The following FRMD5 variants were observed in gnomAD, a reference collection of about 807,000 sequenced individuals.
FRMD5 encodes FERM domain-containing protein 5.
FRMD5 carries 20 observed loss-of-function variants against 69.0 expected under a neutral mutation model. The ratio of observed to expected loss-of-function variants is 0.29; its 90% CI spans 0.20 to 0.42. The LOEUF (loss-of-function observed/expected upper bound fraction) is 0.42. Among genes scored for constraint, FRMD5 ranks in the 10% least tolerant of loss-of-function variants. FRMD5 has a pLI of 1.00. For missense variants in FRMD5, 595 were observed against 708.6 expected (o/e 0.84, Z 1.82); for synonymous variants, 271 against 260.1 (o/e 1.04, Z -0.40).
intron 1 of FRMD5, among the ~76,000 whole-genome samples, chr15:44,175,544 A>G (rs1211991038): frequency 6.6e-6 from 1 of 152,154 alleles, no homozygotes; most frequent in Admixed American, 6.5e-5. Context: ...CCACTTTGGA[A>G]AACAGTTTGG....
At chr15:44,196,036 A>G (rs979925008), upstream of FRMD5, among the ~76,000 whole-genome samples, 1 of 152,214 alleles carries the variant, frequency 6.6e-6, no homozygotes, top group Non-Finnish European at 1.5e-5. Flanking sequence ...ATAGTATGTC[A>G]GGAGGTATAC....
In FRMD5 at chr15:43,995,938, C is replaced by T. The variant is rs375637610; in HGVS notation, c.103-71629G>A. Among the ~76,000 whole-genome samples, 8 of 152,030 alleles carry T rather than the reference C, an allele frequency of 5.3e-5. No homozygotes were observed. In the East Asian group the frequency reaches 9.7e-4, roughly 18 times the overall value. ...AGCCTGGACCCTGGATCTGCTAGAA[C>T]AGGGCTGAACCCCAGAGCTGCTGGA... On this transcript the variant is annotated intron_variant, in intron 1 of 13. Coordinates refer to ENST00000417257, the MANE Select transcript of FRMD5 (RefSeq NM_032892.5).
At chr15:44,087,309 C>T (rs1436497385) in intron 1 of FRMD5, among the ~76,000 whole-genome samples, 4 of 152,180 alleles carry the variant, frequency 2.6e-5, no homozygotes, top group Admixed American at 6.5e-5. Context: ...GCATGAGCAA[C>T]CGCGCCCGCC....
At chr15:44,098,120 A>AAAAAACAAC (rs2076581060) in intron 1 of FRMD5, among the ~76,000 whole-genome samples, 1 of 142,246 alleles carries the variant, frequency 7.0e-6, no homozygotes, top group African/African-American at 2.6e-5. Context: ...CAAAACAAAA[A>AAAAAACAAC]AAAAAAAACT....
chr15:43,881,506 C>T (rs2088529052), intron 13 of FRMD5, among the ~76,000 whole-genome samples: 1 of 152,180 alleles, frequency 6.6e-6, no homozygotes, highest in Admixed American at 6.5e-5. Context: ...CTCCCACACC[C>T]AGCTCTGTTC....
chr15:44,187,516 C>T (rs573703824), intron 1 of FRMD5, among the ~76,000 whole-genome samples: 1 of 151,812 alleles, frequency 6.6e-6, no homozygotes, highest in Admixed American at 6.6e-5. Flanking sequence ...CTGCTGTTAA[C>T]TCAGCCTCTA....
At chr15:44,026,840 G>A (rs1237041172) in intron 1 of FRMD5, among the ~76,000 whole-genome samples, 1 of 152,176 alleles carries the variant, frequency 6.6e-6, no homozygotes, top group Non-Finnish European at 1.5e-5. Flanking sequence ...ATTACCATGT[G>A]TGCACAGATT....
In FRMD5 at chr15:43,875,357, AAAAAAAAT is replaced by A. The variant is rs1297632346; in HGVS notation, c.1136-903_1136-896del. Among the ~76,000 whole-genome samples, 219 of 104,492 alleles carry A rather than the reference AAAAAAAAT, an allele frequency of 2.1e-3. 3 individuals are homozygous for A. Among genetic ancestry groups the A allele is most frequent in the African/African-American group, 7.4e-3 (211 of 28,382 alleles). The allele number at this position is 104,492 out of a possible 152,430, so 68.6% of individuals were successfully genotyped here. A position where few individuals can be genotyped will look rare whatever the true frequency, so the allele number is the denominator to read the frequency against. On this transcript the variant is annotated intron_variant, in intron 13 of 13. Coordinates refer to ENST00000417257, the MANE Select transcript of FRMD5 (RefSeq NM_032892.5). ...CAGAGAAAGACTGTCTCAAAAAAAAAAAAAAAATATATATATATATATATATATATATA... is the reference window on the plus strand; with the variant it reads ...CAGAGAAAGACTGTCTCAAAAAAAAAATATATATATATATATATATATATA...
chr15:44,076,161 T>C (rs974077688), intron 1 of FRMD5, among the ~76,000 whole-genome samples: 1 of 152,116 alleles, frequency 6.6e-6, no homozygotes, highest in Non-Finnish European at 1.5e-5. Flanking sequence ...AGTAACACTT[T>C]TACACTGTTG....
intron 1 of FRMD5, among the ~76,000 whole-genome samples, chr15:44,170,787 C>G (rs972993076): frequency 7.9e-5 from 12 of 152,246 alleles, no homozygotes; most frequent in African/African-American, 2.9e-4. Flanking sequence ...TTACCTTACC[C>G]AGTTGGTTAT....
intron 1 of FRMD5, among the ~76,000 whole-genome samples, chr15:44,098,120 A>AAAAAAAAAAAAAAAAAC (rs1555403630): frequency 1.4e-5 from 2 of 142,240 alleles, no homozygotes; most frequent in Non-Finnish European, 1.5e-5. Flanking sequence ...CAAAACAAAA[A>AAAAAAAAAAAAAAAAAC]AAAAAAAACT....
chr15:43,879,611 A>C, intron 13 of FRMD5: 3 of 399,088 alleles, frequency 7.5e-6, no homozygotes, highest in Non-Finnish European at 1.3e-5. Flanking sequence ...GAAAGCAGTG[A>C]TTAGTCAGCC....
intron 1 of FRMD5, among the ~76,000 whole-genome samples, chr15:44,134,401 T>C (rs2077151754): frequency 6.6e-6 from 1 of 152,044 alleles, no homozygotes; most frequent in Admixed American, 6.6e-5. Context: ...AATAAGGGTG[T>C]GGTAATTGTT....
intron 1 of FRMD5, among the ~76,000 whole-genome samples, chr15:44,013,856 TC>T (rs986781349): frequency 1.6e-5 from 1 of 64,072 alleles, no homozygotes; most frequent in African/African-American, 4.2e-5. Context: ...GGAGACACCT[TC>T]TTTTTTTTTT....
chr15:43,942,960 G>A (rs953569820), intron 1 of FRMD5, among the ~76,000 whole-genome samples: 8 of 152,228 alleles, frequency 5.3e-5, no homozygotes, highest in South Asian at 4.1e-4. Context: ...GGGTTTTGCC[G>A]GCTGGGCACG....
rs1566829432 is a variant in FRMD5, at chr15:43,909,964, C to T, written c.345G>A (p.Leu115=). 3 of 1,602,882 alleles carry T rather than the reference C, an allele frequency of 1.9e-6. No individual in the cohort carries two copies. Among genetic ancestry groups the T allele is most frequent in the South Asian group, 1.1e-5 (1 of 90,670 alleles). The change falls in exon 5 of 14, where the codon CTG becomes CTA. Residue 115 remains leucine (L), a synonymous_variant. Transcript: ENST00000417257. ...KEEITRYLVF[L]QIKRDLYHGR... ...CATGGTAGAGATCCCTTTTGATCTG[C>T]AGGAAGACTAAATACCTGGAGAGAA...
intron 1 of FRMD5, among the ~76,000 whole-genome samples, chr15:43,963,965 G>A (rs960039671): frequency 6.6e-6 from 1 of 151,976 alleles, no homozygotes; most frequent in African/African-American, 2.4e-5. Context: ...TAAATGACGA[G>A]TTAATGGGTG....
chr15:44,146,518 G>T (rs2077359011), intron 1 of FRMD5, among the ~76,000 whole-genome samples: 1 of 152,152 alleles, frequency 6.6e-6, no homozygotes, highest in African/African-American at 2.4e-5. Flanking sequence ...CCCAGTAATG[G>T]GATTGCTGGG....
At chr15:44,096,648 C>G (rs1214676914) in intron 1 of FRMD5, among the ~76,000 whole-genome samples, 1 of 152,102 alleles carries the variant, frequency 6.6e-6, no homozygotes, top group Non-Finnish European at 1.5e-5. Flanking sequence ...AGCGATCCAC[C>G]CGCCTCAGCT....
Sources: allele counts gnomAD v4.1 joint callset (sites outside exome capture counted in the v4.1 genomes callset), GRCh38; gene constraint gnomAD v4.1.1; transcripts MANE v1.5; gene names NCBI Gene and HGNC (gene_info 2026-07-23, HGNC 2026-07-21).